Variants in SLC22A5 observed in about 807,000 individuals in gnomAD.
SLC22A5 encodes the protein solute carrier family 22 member 5.
A neutral mutation model predicts 56.7 loss-of-function variants in SLC22A5; 44 were observed. The ratio of observed to expected loss-of-function variants is 0.78; its 90% confidence interval spans 0.61 to 1.00. The LOEUF is 1.00. Among genes scored for constraint, SLC22A5 ranks in the 50% least tolerant of loss-of-function variants. The pLI, the probability that SLC22A5 is intolerant of heterozygous loss-of-function variation, is 0.00. For synonymous variants in SLC22A5, 278 were observed against 292.1 expected (o/e 0.95, Z 0.49); for missense variants, 675 against 723.0 (o/e 0.93, Z 0.76).
At chr5:132,377,886 C>T (rs274568) in intron 1 of SLC22A5, 190,263 of 449,906 alleles carry the variant, frequency 0.42, 42,880 homozygotes, top group East Asian at 0.67. Context: ...GGTGGGAACC[C>T]GAGCAGAGCA....
At chr5:132,375,161 A>G (rs1409396676) in intron 1 of SLC22A5, among the ~76,000 whole-genome samples, 1 of 152,230 alleles carries the variant, frequency 6.6e-6, no homozygotes, top group Non-Finnish European at 1.5e-5. Flanking sequence ...TTGAAGGTTG[A>G]TACCTTTTTA....
chr5:132,392,968 G>A (rs1752758484), intron 8 of SLC22A5, among the ~76,000 whole-genome samples: 1 of 152,208 alleles, frequency 6.6e-6, no homozygotes, highest in Non-Finnish European at 1.5e-5. Context: ...TGGAATCAGA[G>A]TTTAAAAGGA....
intron 9 of SLC22A5, 73 bp downstream of exon 9, chr5:132,393,884 T>C: frequency 1.3e-6 from 2 of 1,558,750 alleles, no homozygotes; most frequent in Non-Finnish European, 1.8e-6. Context: ...CCCCTCACAA[T>C]AGAGCTACTC....
chr5:132,380,272 G>T, intron 2 of SLC22A5: 1 of 152,516 alleles, frequency 6.6e-6, no homozygotes, highest in South Asian at 2.1e-4. Context: ...GTGTGGTAGA[G>T]GTGCGGAGAG....
intron 7 of SLC22A5, 74 bp from the exon 8 acceptor site, chr5:132,392,359 T>C (rs1476933912): frequency 7.2e-7 from 1 of 1,381,838 alleles, no homozygotes; most frequent in Non-Finnish European, 1.0e-6. Context: ...GAAGAAAGTA[T>C]GTTTGTTTTG....
intron 5 of SLC22A5, among the ~76,000 whole-genome samples, chr5:132,388,675 T>C (rs1752608584): frequency 6.6e-6 from 1 of 152,180 alleles, no homozygotes; most frequent in Non-Finnish European, 1.5e-5. Flanking sequence ...TCTGTCTTCC[T>C]GTACCCTTGA....
intron 4 of SLC22A5, 133 bp downstream of exon 4, chr5:132,385,632 C>T: frequency 2.5e-6 from 2 of 797,596 alleles, no homozygotes; most frequent in Non-Finnish European, 4.2e-6. Flanking sequence ...TAAATTATTT[C>T]AGAATGTTTT....
In SLC22A5 at chr5:132,390,787, G is replaced by A; in HGVS notation, c.1150G>A (p.Val384Ile). ...VNCFLSAMVE[V>I]PAYVLAWLLL... ...CTGCTTCCTTTCAGCGATGGTTGAAGTCCCAGCATATGTGTTGGCCTGGCT... is the reference window on the plus strand; with the variant it reads ...CTGCTTCCTTTCAGCGATGGTTGAAATCCCAGCATATGTGTTGGCCTGGCT... Residue 384 changes from valine (V) to isoleucine (I), a missense_variant, in exon 7 of 10, where the codon GTC becomes ATC. Coordinates refer to ENST00000245407, the MANE Select transcript of SLC22A5 (RefSeq NM_003060.4). 1 of 1,614,228 alleles carries A rather than the reference G, an allele frequency of 6.2e-7. No individual in the cohort carries two copies.
Position 132,393,687 on chromosome 5 carries a change from C to G in SLC22A5, c.1462C>G (p.Arg488Gly), listed in dbSNP as rs377216516. 1.9e-6 allele frequency: 3 copies of G among 1,614,156 alleles called. No individual in the cohort carries two copies. In the South Asian group the frequency reaches 3.3e-5, roughly 18 times the overall value. ...PYFVYLGAYD[R>G]FLPYILMGSL... ...CTGCTTTGCCATAGGTGCCTACGAC[C>G]GCTTCCTGCCCTACATTCTCATGGG... Residue 488 changes from arginine (R) to glycine (G), a missense_variant, in exon 9 of 10, where the codon CGC becomes GGC. Arg to Gly is a moderately radical substitution (Grantham distance 125). Coordinates refer to ENST00000245407, the MANE Select transcript of SLC22A5 (RefSeq NM_003060.4).
At position 132,393,774 on chromosome 5, in the gene SLC22A5, C is replaced by T. The variant is rs200479243; in HGVS notation, c.1549C>T (p.Leu517Phe). The T allele has an allele frequency of 2.5e-6, 4 of 1,614,090 alleles. No homozygotes were observed. The highest frequency in any genetic ancestry group is 3.4e-6 in the Non-Finnish European group (4 of 1,180,032). ...TCTCCCAGAGAGCTTCGGTACCCCA[C>T]TCCCAGACACCATTGACCAGATGCT... ...LFLPESFGTP[L>F]PDTIDQMLRV... Residue 517 changes from leucine to phenylalanine, a missense_variant, in exon 9 of 10, where the codon CTC (leucine) becomes TTC (phenylalanine). Leu to Phe is a conservative substitution (Grantham distance 22). Transcript: ENST00000245407.
At chr5:132,375,882 C>T (rs966443703) in intron 1 of SLC22A5, among the ~76,000 whole-genome samples, 3 of 152,208 alleles carry the variant, frequency 2.0e-5, no homozygotes, top group African/African-American at 7.2e-5. Context: ...CCACACATTC[C>T]ATTTTAACAT....
intron 1 of SLC22A5, chr5:132,376,515 C>T (rs1029452157): frequency 6.6e-6 from 1 of 152,174 alleles, no homozygotes; most frequent in Non-Finnish European, 1.5e-5. Context: ...CCTTGCCAGC[C>T]AAGGAGTCTT....
Position 132,369,946 on chromosome 5 carries a change from C to A in SLC22A5, c.-27C>A. The A allele has an allele frequency of 6.2e-7, 1 of 1,610,944 alleles. No homozygotes were observed. The highest frequency in any genetic ancestry group is 8.5e-7 in the Non-Finnish European group (1 of 1,178,954). ...CCCGCCGCGTTCCCCGACCCCAGGCCGCGCTCTGTGGGCCTCTGAGGGCGG... is the reference window on the plus strand; with the variant it reads ...CCCGCCGCGTTCCCCGACCCCAGGCAGCGCTCTGTGGGCCTCTGAGGGCGG... On this transcript the variant is annotated 5_prime_UTR_variant, in exon 1 of 10. Coordinates refer to ENST00000245407, the MANE Select transcript of SLC22A5 (RefSeq NM_003060.4).
chr5:132,381,404 C>G (rs1752341481), intron 2 of SLC22A5: 1 of 152,210 alleles, frequency 6.6e-6, no homozygotes, highest in Non-Finnish European at 1.5e-5. Context: ...GCCTTCAATT[C>G]CCAATGCCCT....
chr5:132,393,553 T>C, intron 8 of SLC22A5, 123 bp from the exon 9 acceptor site: 1 of 1,169,306 alleles, frequency 8.6e-7, no homozygotes, highest in Non-Finnish European at 1.3e-6. Context: ...GCTCAGACTG[T>C]GAGAGATGTG....
At chr5:132,370,872 C>T (rs942824266) in intron 1 of SLC22A5, among the ~76,000 whole-genome samples, 3 of 152,138 alleles carry the variant, frequency 2.0e-5, no homozygotes, top group Non-Finnish European at 2.9e-5. Context: ...ACTCCTTCCC[C>T]TACCGTCCAC....
Position 132,370,953 on chromosome 5 carries a change from C to CTTTTTTTTTTTTTTTTT in SLC22A5, c.393+600_393+601insTTTTTTTTTTTTTTTTT, listed in dbSNP as rs750736082. ...CCTTTTCCCATGGTCAGTTGTCAGT[C>CTTTTTTTTTTTTTTTTT]TTTTTTTTTTTTGAGACAGAGTCTC... On this transcript the variant is annotated intron_variant, in intron 1 of 9. Coordinates refer to ENST00000245407, the MANE Select transcript of SLC22A5 (RefSeq NM_003060.4). Among the ~76,000 whole-genome samples the CTTTTTTTTTTTTTTTTT allele has an allele frequency of 7.5e-5, 10 of 133,784 alleles. 1 individual carries two copies. The highest frequency in any genetic ancestry group is 1.6e-4 in the African/African-American group (6 of 36,856). The allele number at this position is 133,784 out of a possible 152,430, so 87.8% of individuals were successfully genotyped here. A position where few individuals can be genotyped will look rare whatever the true frequency, so the allele number is the denominator to read the frequency against.
At position 132,394,540 on chromosome 5, in the gene SLC22A5, C is replaced by T; in HGVS notation, c.*268C>T. The T allele has an allele frequency of 7.7e-6, 4 of 516,652 alleles. No homozygotes were observed. The South Asian group carries it at 9.5e-5, about 12-fold the overall frequency. 32.0% of individuals were successfully genotyped at this position (516,652 alleles called of 1,614,324 possible). A position where few individuals can be genotyped will look rare whatever the true frequency, so the allele number is the denominator to read the frequency against. The stretch of plus-strand genomic sequence containing the variant: ...AATGATGGACTCAGCACCTCCAAAG[C>T]AGTTAATTTTTCACTAGAACCAGTG... On this transcript the variant is annotated 3_prime_UTR_variant, in exon 10 of 10. Transcript: ENST00000245407.
intron 5 of SLC22A5, among the ~76,000 whole-genome samples, 171 bp from the exon 6 acceptor site, chr5:132,388,750 A>T (rs569442160): frequency 2.0e-5 from 3 of 152,268 alleles, no homozygotes; most frequent in African/African-American, 7.2e-5. Flanking sequence ...AGGCCTAGGG[A>T]AGTTTTCACA....
Sources: allele counts gnomAD v4.1 joint callset (sites outside exome capture counted in the v4.1 genomes callset), GRCh38; gene constraint gnomAD v4.1.1; transcripts MANE v1.5; gene names NCBI Gene and HGNC (gene_info 2026-07-23, HGNC 2026-07-21).